COL19A1: variants seen among roughly 807,000 people sequenced by gnomAD.
The protein encoded by COL19A1 is collagen type XIX alpha 1 chain.
COL19A1 carries 159 observed loss-of-function variants against 190.2 expected under a neutral mutation model. That is an observed-to-expected ratio of 0.84 (90% CI 0.73 to 0.95). The LOEUF is 0.95. Ranked by LOEUF, COL19A1 falls within the 40% of genes least tolerant of loss-of-function variation. COL19A1 has a pLI of 0.00. For missense variants in COL19A1, 1,418 were observed against 1,431.9 expected (o/e 0.99, Z 0.16); for synonymous variants, 509 against 458.9 (o/e 1.11, Z -1.39).
intron 19 of COL19A1, among the ~76,000 whole-genome samples, chr6:70,139,315 T>C (rs1786089255): frequency 6.6e-6 from 1 of 152,038 alleles, no homozygotes; most frequent in African/African-American, 2.4e-5. Context: ...CTAGGAGTCA[T>C]AGGCCTTTTC....
At chr6:69,921,395 C>CATATATATCATATATCAT (rs374740274) in intron 4 of COL19A1, among the ~76,000 whole-genome samples, 22 of 80,340 alleles carry the variant, frequency 2.7e-4, no homozygotes, top group South Asian at 1.1e-3. Flanking sequence ...TCATATATAT[C>CATATATATCATATATCAT]ATATATCATA....
rs935692787 is a variant in COL19A1, at chr6:70,165,790, G to C, written c.2401-151G>C. 8.2e-6 allele frequency: 6 copies of C among 728,322 alleles called. No individual in the cohort carries two copies. The African/African-American group carries it at 1.1e-4, about 13-fold the overall frequency. The allele number at this position is 728,322 out of a possible 1,614,324, so 45.1% of individuals were successfully genotyped here. ...CTAGAAATGTATTTCCTGGGTAAAGGAGAGCCCAGCTGAATAAGACTACAA... is the reference window on the plus strand; with the variant it reads ...CTAGAAATGTATTTCCTGGGTAAAGCAGAGCCCAGCTGAATAAGACTACAA... On this transcript the variant is annotated intron_variant, in intron 36 of 50. Transcript: ENST00000620364.
chr6:70,125,435 T>C (rs1053840018), intron 17 of COL19A1, among the ~76,000 whole-genome samples: 1 of 152,166 alleles, frequency 6.6e-6, no homozygotes, highest in Non-Finnish European at 1.5e-5. Context: ...TGGTTCATTT[T>C]CCGGTCCCAG....
At chr6:69,998,000 T>C (rs1360375172) in intron 11 of COL19A1, among the ~76,000 whole-genome samples, 1 of 152,090 alleles carries the variant, frequency 6.6e-6, no homozygotes, top group Admixed American at 6.6e-5. Context: ...ATTCATCATG[T>C]ACGTGAAAAC....
At chr6:70,054,567 T>A (rs1207594128) in intron 14 of COL19A1, among the ~76,000 whole-genome samples, 1 of 152,198 alleles carries the variant, frequency 6.6e-6, no homozygotes, top group Non-Finnish European at 1.5e-5. Flanking sequence ...ATAAGTAAAC[T>A]TTGAGTATTA....
intron 11 of COL19A1, among the ~76,000 whole-genome samples, chr6:69,991,216 G>A (rs6455353): frequency 0.21 from 32,165 of 151,886 alleles, 5,601 homozygotes; most frequent in African/African-American, 0.47. Context: ...GCTGCAAAGG[G>A]CATGATCTCA....
At chr6:70,188,745 A>C (rs1431435675) in intron 47 of COL19A1, among the ~76,000 whole-genome samples, 1 of 152,226 alleles carries the variant, frequency 6.6e-6, no homozygotes, top group African/African-American at 2.4e-5. Flanking sequence ...ACTTAGGCCA[A>C]GAGTGTTTAG....
At chr6:69,912,515 T>A (rs997450248) in intron 4 of COL19A1, among the ~76,000 whole-genome samples, 1 of 152,222 alleles carries the variant, frequency 6.6e-6, no homozygotes, top group Non-Finnish European at 1.5e-5. Context: ...CTATTGCCAT[T>A]GCTGGGAGCT....
chr6:70,125,691 G>A (rs114797935), intron 17 of COL19A1, among the ~76,000 whole-genome samples: 2,474 of 152,232 alleles, frequency 0.016, 68 homozygotes, highest in African/African-American at 0.054. Flanking sequence ...GTGGATTTTT[G>A]CATGCCTACT....
At chr6:70,076,776 A>T (rs545606694) in intron 15 of COL19A1, among the ~76,000 whole-genome samples, 41 of 152,352 alleles carry the variant, frequency 2.7e-4, no homozygotes, top group Admixed American at 2.0e-3. Context: ...AATATTACCT[A>T]CTTAGCCACA....
At chr6:70,158,858 A>T (rs570901481) in intron 34 of COL19A1, among the ~76,000 whole-genome samples, 2 of 152,252 alleles carry the variant, frequency 1.3e-5, no homozygotes, top group African/African-American at 4.8e-5. Context: ...ACTGTATGTT[A>T]AATTGACTGT....
chr6:69,921,513 T>TATTCATATATATTCATATATATTC (rs1561998804), intron 4 of COL19A1, among the ~76,000 whole-genome samples: 290 of 14,218 alleles, frequency 0.02, 15 homozygotes, highest in Non-Finnish European at 0.033. Context: ...TATATTCATA[T>TATTCATATATATTCATATATATTC]GTATATTCAT....
chr6:70,140,312 G>C (rs1204648902), intron 19 of COL19A1, among the ~76,000 whole-genome samples: 1 of 151,948 alleles, frequency 6.6e-6, no homozygotes, highest in Non-Finnish European at 1.5e-5. Context: ...TAAGTGCTAT[G>C]TAAATAGTTG....
chr6:70,140,175 G>T (rs1193731309), intron 19 of COL19A1, among the ~76,000 whole-genome samples: 2 of 151,904 alleles, frequency 1.3e-5, no homozygotes, highest in Non-Finnish European at 2.9e-5. Flanking sequence ...GACTCTCAGA[G>T]GATACCAAAA....
chr6:70,040,510 C>T (rs774763154), intron 14 of COL19A1, among the ~76,000 whole-genome samples: 9 of 152,170 alleles, frequency 5.9e-5, no homozygotes, highest in Non-Finnish European at 1.2e-4. Flanking sequence ...ATAAGAAAGC[C>T]AACCAAAATG....
chr6:69,929,466 T>C lies in COL19A1; in HGVS notation c.432T>C (p.Phe144=). The part of the protein sequence containing the change: ...VVDGGKKVVE[F]MFQATEGDVL... ...ATGGTGGAAAGAAGGTGGTGGAATT[T>C]ATGTTTCAAGCCACAGAGGGAGATG... Residue 144 remains phenylalanine (F), a synonymous_variant, in exon 6 of 51, where the codon TTT becomes TTC. Transcript: ENST00000620364. 1 of 1,614,018 alleles carries C rather than the reference T, an allele frequency of 6.2e-7. No individual in the cohort carries two copies. The highest frequency in any genetic ancestry group is 8.5e-7 in the Non-Finnish European group (1 of 1,179,938).
At chr6:70,048,873 G>A (rs997530834) in intron 14 of COL19A1, among the ~76,000 whole-genome samples, 4 of 151,918 alleles carry the variant, frequency 2.6e-5, no homozygotes, top group Non-Finnish European at 2.9e-5. Flanking sequence ...AAATAAATAC[G>A]TGCTTTGCTG....
intron 15 of COL19A1, among the ~76,000 whole-genome samples, chr6:70,087,096 A>G (rs1211381708): frequency 2.5e-4 from 38 of 152,194 alleles, no homozygotes; most frequent in Non-Finnish European, 1.5e-5. Context: ...TGTGACAAAG[A>G]CTATATGTCT....
At chr6:70,083,392 TG>T (rs548214736) in intron 15 of COL19A1, among the ~76,000 whole-genome samples, 179 of 152,338 alleles carry the variant, frequency 1.2e-3, no homozygotes, top group African/African-American at 3.8e-3. Context: ...ATTTTTTGTT[TG>T]TTGAATTCAG....
Sources: gnomAD v4.1 joint callset for allele counts (sites outside exome capture counted in the v4.1 genomes callset) on GRCh38, gnomAD v4.1.1 for gene constraint, MANE v1.5 for transcripts, NCBI Gene and HGNC (gene_info 2026-07-23, HGNC 2026-07-21) for gene names.